MAPK10: variants seen among roughly 807,000 people sequenced by gnomAD.
MAPK10 encodes JNK3 alpha protein kinase.
MAPK10 carries 25 observed loss-of-function variants against 59.3 expected under a neutral mutation model. The ratio of observed to expected loss-of-function variants is 0.42; its 90% CI spans 0.31 to 0.59. The LOEUF (loss-of-function observed/expected upper bound fraction) is 0.59. MAPK10 is among the 20% of genes least tolerant of loss of function. The pLI, the probability that MAPK10 is intolerant of heterozygous loss-of-function variation, is 0.15. For synonymous variants in MAPK10, 190 were observed against 200.5 expected (o/e 0.95, Z 0.44); for missense variants, 351 against 568.9 (o/e 0.62, Z 3.90).
intron 1 of MAPK10, among the ~76,000 whole-genome samples, chr4:86,370,291 T>C (rs545613374): frequency 5.9e-5 from 9 of 152,264 alleles, no homozygotes; most frequent in Admixed American, 3.3e-4. Flanking sequence ...ACATCAGTGA[T>C]TCTTACTGGA....
At chr4:86,521,818 A>AT (rs1757132253) in intron 1 of MAPK10, among the ~76,000 whole-genome samples, 1 of 152,022 alleles carries the variant, frequency 6.6e-6, no homozygotes, top group African/African-American at 2.4e-5. Context: ...GGCACTTCCC[A>AT]TTCACCATCC....
chr4:86,148,133 C>T (rs1277933762), intron 4 of MAPK10, among the ~76,000 whole-genome samples: 1 of 151,892 alleles, frequency 6.6e-6, no homozygotes, highest in Non-Finnish European at 1.5e-5. Context: ...ATTTTAATAG[C>T]AATAAAAATA....
chr4:86,047,236 G>A (rs1005263348), intron 11 of MAPK10, among the ~76,000 whole-genome samples: 9 of 152,010 alleles, frequency 5.9e-5, no homozygotes, highest in African/African-American at 2.2e-4. Context: ...CGGGCAAGGG[G>A]GCGGCCGAAG....
rs2053831365 is a variant in MAPK10 at position 86,094,373 on chromosome 4, G to A, written c.802+4151C>T. Among the ~76,000 whole-genome samples the A allele has an allele frequency of 2.0e-5, 3 of 151,928 alleles. No homozygotes were observed. The South Asian group carries it at 6.2e-4, about 31-fold the overall frequency. The stretch of plus-strand genomic sequence containing the variant: ...TGTTCTTCAGAGGGAAAGGCAAGAG[G>A]AGCTATTTTAGCAGTCCAGCTGTTA... On this transcript the variant is annotated intron_variant, in intron 9 of 13. Transcript: ENST00000641462.
chr4:86,203,006 T>C (rs1251698836), intron 2 of MAPK10, among the ~76,000 whole-genome samples: 5 of 151,974 alleles, frequency 3.3e-5, no homozygotes, highest in Non-Finnish European at 5.9e-5. Context: ...GCCCATTGTA[T>C]AGAAACAACA....
chr4:86,137,801 GAAA>G (rs2062594149), intron 4 of MAPK10, among the ~76,000 whole-genome samples: 1 of 146,584 alleles, frequency 6.8e-6, no homozygotes, highest in Admixed American at 6.7e-5. Context: ...GACTAATAAA[GAAA>G]AAAAGAGAGA....
chr4:86,102,247 G>T, intron 6 of MAPK10: 1 of 433,670 alleles, frequency 2.3e-6, no homozygotes, highest in South Asian at 6.5e-5. Context: ...ATTAATGTCT[G>T]GTTCATGTCC....
intron 4 of MAPK10, among the ~76,000 whole-genome samples, chr4:86,136,293 G>A (rs545662808): frequency 0.013 from 1,909 of 151,968 alleles, 40 homozygotes; most frequent in African/African-American, 0.044. Flanking sequence ...GAGAAAGGTC[G>A]GGTTACCCAC....
intron 4 of MAPK10, among the ~76,000 whole-genome samples, chr4:86,146,490 A>G (rs1159358611): frequency 6.6e-6 from 1 of 152,182 alleles, no homozygotes; most frequent in East Asian, 1.9e-4. Context: ...ACACAGCTCA[A>G]CTAGATGACA....
chr4:86,173,043 C>T (rs1213490577), intron 3 of MAPK10, among the ~76,000 whole-genome samples: 1 of 151,736 alleles, frequency 6.6e-6, no homozygotes. Flanking sequence ...CCATACTGCC[C>T]AAAGTAATTT....
intron 1 of MAPK10, among the ~76,000 whole-genome samples, chr4:86,588,220 T>C (rs958139209): frequency 2.0e-5 from 3 of 152,180 alleles, no homozygotes; most frequent in African/African-American, 7.2e-5. Context: ...GAGTGTGTCA[T>C]GAGTACGGTC....
At chr4:86,298,140 C>T (rs1158513203) in intron 2 of MAPK10, among the ~76,000 whole-genome samples, 1 of 152,168 alleles carries the variant, frequency 6.6e-6, no homozygotes, top group Non-Finnish European at 1.5e-5. Context: ...TGCTAACTCC[C>T]TGTGGTCCTC....
chr4:86,300,843 T>G (rs2095456707), intron 2 of MAPK10: 1 of 148,870 alleles, frequency 6.7e-6, no homozygotes, highest in South Asian at 2.2e-4. Context: ...TCTCTCTTCA[T>G]GACAACATCT....
intron 1 of MAPK10, among the ~76,000 whole-genome samples, chr4:86,452,141 T>C (rs1431752432): frequency 1.3e-5 from 2 of 152,184 alleles, no homozygotes; most frequent in African/African-American, 4.8e-5. Flanking sequence ...TCCTCCACCA[T>C]ATTATTAAAT....
chr4:86,129,390 C>T (rs980224176), intron 4 of MAPK10, among the ~76,000 whole-genome samples: 3 of 152,160 alleles, frequency 2.0e-5, no homozygotes, highest in African/African-American at 7.2e-5. Flanking sequence ...GTTTGAGAAA[C>T]GTAGTAAAAC....
intron 2 of MAPK10, among the ~76,000 whole-genome samples, chr4:86,293,203 T>TAC: frequency 2.0e-5 from 3 of 152,198 alleles, no homozygotes; most frequent in African/African-American, 7.2e-5. Context: ...CCCCTAGAAT[T>TAC]TCAAACTTTG....
At chr4:86,056,511 C>T (rs1041938537) in intron 11 of MAPK10, among the ~76,000 whole-genome samples, 2 of 150,032 alleles carry the variant, frequency 1.3e-5, no homozygotes, top group African/African-American at 5.0e-5. Flanking sequence ...CAGTAAAAGA[C>T]AACTGGTTAA....
intron 2 of MAPK10, chr4:86,336,452 GAACAGAGGACA>G (rs373196928): frequency 9.2e-5 from 14 of 152,264 alleles, no homozygotes; most frequent in African/African-American, 3.4e-4. Context: ...ACAGACTACC[GAACAGAGGACA>G]GTCTTATCCA....
At chr4:86,286,233 T>C (rs555078602) in intron 2 of MAPK10, among the ~76,000 whole-genome samples, 12 of 152,350 alleles carry the variant, frequency 7.9e-5, no homozygotes, top group African/African-American at 2.9e-4. Context: ...AGATTATCAC[T>C]GGATAGCTTC....
Sources: gnomAD v4.1 joint callset for allele counts (sites outside exome capture counted in the v4.1 genomes callset) on GRCh38, gnomAD v4.1.1 for gene constraint, MANE v1.5 for transcripts, NCBI Gene and HGNC (gene_info 2026-07-23, HGNC 2026-07-21) for gene names.